The following ZNF385D variants were observed in gnomAD, a reference collection of about 807,000 sequenced individuals.
The protein encoded by ZNF385D is zinc finger protein 385D.
A neutral mutation model predicts 35.8 loss-of-function variants in ZNF385D; 15 were observed. That is an observed-to-expected ratio of 0.42 (90% CI 0.28 to 0.64). The LOEUF (loss-of-function observed/expected upper bound fraction) is 0.64. Among genes scored for constraint, ZNF385D ranks in the 30% least tolerant of loss-of-function variants. The pLI is 0.23. For missense variants in ZNF385D, 474 were observed against 494.6 expected (o/e 0.96, Z 0.39); for synonymous variants, 212 against 186.8 (o/e 1.13, Z -1.10).
At chr3:21,832,524 G>A (rs1219910946) in intron 3 of ZNF385D, among the ~76,000 whole-genome samples, 1 of 152,134 alleles carries the variant, frequency 6.6e-6, no homozygotes, top group Non-Finnish European at 1.5e-5. Context: ...TGTACTATGG[G>A]GAGTTGCTCT....
At chr3:22,199,143 CAT>C (rs1466277749) in intron 2 of ZNF385D, among the ~76,000 whole-genome samples, 5 of 152,038 alleles carry the variant, frequency 3.3e-5, no homozygotes, top group Non-Finnish European at 7.4e-5. Context: ...ACACAAAAAA[CAT>C]AATCTCATCT....
chr3:22,202,550 C>T (rs945299994), intron 2 of ZNF385D, among the ~76,000 whole-genome samples: 2 of 152,068 alleles, frequency 1.3e-5, no homozygotes, highest in Non-Finnish European at 2.9e-5. Context: ...CCAAATGGAA[C>T]AACTTTCTGT....
chr3:22,118,421 T>C (rs10440126), intron 3 of ZNF385D, among the ~76,000 whole-genome samples: 3,516 of 152,134 alleles, frequency 0.023, 57 homozygotes, highest in Non-Finnish European at 0.033. Flanking sequence ...ACATCTGAGA[T>C]TGCATTTGTG....
At chr3:22,128,685 T>C (rs549843496) in intron 3 of ZNF385D, among the ~76,000 whole-genome samples, 32 of 152,304 alleles carry the variant, frequency 2.1e-4, no homozygotes, top group East Asian at 3.9e-4. Context: ...AATTTGTCAA[T>C]TGAATTTTTA....
intron 3 of ZNF385D, among the ~76,000 whole-genome samples, chr3:22,111,619 C>A (rs1317146220): frequency 2.0e-5 from 3 of 152,120 alleles, no homozygotes; most frequent in Non-Finnish European, 2.9e-5. Context: ...TATATATTTC[C>A]TTTCACTGAC....
chr3:21,569,613 A>T (rs967113193), intron 2 of ZNF385D, among the ~76,000 whole-genome samples: 3 of 149,382 alleles, frequency 2.0e-5, no homozygotes, highest in African/African-American at 7.4e-5. Context: ...TTATGATGTT[A>T]GCTGGTTATT....
intron 1 of ZNF385D, among the ~76,000 whole-genome samples, chr3:21,665,528 A>T (rs1283752718): frequency 6.6e-6 from 1 of 152,210 alleles, no homozygotes; most frequent in Non-Finnish European, 1.5e-5. Flanking sequence ...CCTCGAACTC[A>T]GGCAGCTGTA....
At chr3:21,685,355 A>T (rs1050282482) in intron 1 of ZNF385D, among the ~76,000 whole-genome samples, 1 of 152,216 alleles carries the variant, frequency 6.6e-6, no homozygotes, top group Non-Finnish European at 1.5e-5. Context: ...CTTTCAAAAT[A>T]TTAAGCTTAA....
chr3:21,477,138 G>A (rs935163306), intron 4 of ZNF385D, among the ~76,000 whole-genome samples: 30 of 152,160 alleles, frequency 2.0e-4, no homozygotes, highest in Admixed American at 1.6e-3. Flanking sequence ...CCCAGTTAAT[G>A]GAAGGTTGAG....
chr3:21,586,473 G>A (rs2063814330), intron 2 of ZNF385D, among the ~76,000 whole-genome samples: 1 of 152,136 alleles, frequency 6.6e-6, no homozygotes, highest in African/African-American at 2.4e-5. Context: ...TATGTCCAAT[G>A]CTTATGGTCA....
At chr3:21,763,372 G>A (rs75465864) in intron 3 of ZNF385D, among the ~76,000 whole-genome samples, 26,626 of 151,910 alleles carry the variant, frequency 0.18, 2,827 homozygotes, top group Non-Finnish European at 0.23. Context: ...TCATTACTTC[G>A]AAAAGAAAAT....
At chr3:21,960,723 G>GAT (rs1168859454) in intron 3 of ZNF385D, among the ~76,000 whole-genome samples, 1 of 151,918 alleles carries the variant, frequency 6.6e-6, no homozygotes, top group Non-Finnish European at 1.5e-5. Context: ...AAGAAAATAT[G>GAT]ATATATATAT....
intron 5 of ZNF385D, among the ~76,000 whole-genome samples, chr3:21,432,410 C>G (rs1259038139): frequency 6.6e-6 from 1 of 152,082 alleles, no homozygotes; most frequent in Admixed American, 6.6e-5. Flanking sequence ...TAAACTCTGT[C>G]TAGACATATA....
chr3:22,337,094 C>T lies in ZNF385D; in HGVS notation c.106+35356G>A, dbSNP rs558726414. 2.0e-5 allele frequency among the ~76,000 whole-genome samples: 3 copies of T among 151,826 alleles called. No homozygotes were observed. In the East Asian group the frequency reaches 5.8e-4, roughly 29 times the overall value. ...TCAATAAAAATTATATATTTAGTAA[C>T]ACTTTATAAGTCATTTCAATGATGT... is the stretch of plus-strand genomic sequence containing the variant. On this transcript the variant is annotated intron_variant, in intron 2 of 5. Coordinates refer to the ZNF385D transcript ENST00000494108.
At chr3:22,288,043 G>A (rs1702115353) in intron 2 of ZNF385D, among the ~76,000 whole-genome samples, 1 of 151,652 alleles carries the variant, frequency 6.6e-6, no homozygotes, top group Non-Finnish European at 1.5e-5. Context: ...TGACAGGCAA[G>A]GTTTGTTTTT....
chr3:21,983,675 T>C (rs1576082013), intron 3 of ZNF385D, among the ~76,000 whole-genome samples: 1 of 65,508 alleles, frequency 1.5e-5, no homozygotes, highest in East Asian at 4.9e-4. Flanking sequence ...TTTGGGTATA[T>C]ACCCAGTAAT....
intron 2 of ZNF385D, among the ~76,000 whole-genome samples, chr3:22,215,357 A>G (rs1217199525): frequency 6.6e-6 from 1 of 152,086 alleles, no homozygotes; most frequent in Non-Finnish European, 1.5e-5. Flanking sequence ...AAAAGCAAAT[A>G]GGAGAAATAT....
At chr3:22,159,171 T>G (rs1036932972) in intron 3 of ZNF385D, among the ~76,000 whole-genome samples, 4 of 152,032 alleles carry the variant, frequency 2.6e-5, no homozygotes, top group African/African-American at 9.7e-5. Context: ...ATACTACCAG[T>G]GCTGTAAGCT....
At chr3:22,226,427 G>C (rs1337816886) in intron 2 of ZNF385D, among the ~76,000 whole-genome samples, 5 of 152,146 alleles carry the variant, frequency 3.3e-5, no homozygotes, top group African/African-American at 1.2e-4. Context: ...AAGATTCCCT[G>C]ATCCCAAGAT....
Sources: gnomAD v4.1 joint callset for allele counts (sites outside exome capture counted in the v4.1 genomes callset) on GRCh38, gnomAD v4.1.1 for gene constraint, MANE v1.5 for transcripts, NCBI Gene and HGNC (gene_info 2026-07-23, HGNC 2026-07-21) for gene names.